Variants in PTPRD observed in about 807,000 individuals in gnomAD.
The protein encoded by PTPRD is protein tyrosine phosphatase receptor type D.
In PTPRD, 34 loss-of-function variants were observed where a neutral mutation model predicts 214.5. The ratio of observed to expected loss-of-function variants is 0.16; its 90% CI spans 0.12 to 0.21. The LOEUF (loss-of-function observed/expected upper bound fraction) is 0.21, where lower values mean the gene tolerates loss of function less well. Among genes scored for constraint, PTPRD ranks in the 10% least tolerant of loss-of-function variants. The pLI is 1.00. For missense variants in PTPRD, 2,545 were observed against 2,398.7 expected (o/e 1.06, Z -1.27); for synonymous variants, 1,128 against 845.7 (o/e 1.33, Z -5.79).
chr9:9,117,614 C>T (rs563984623), intron 10 of PTPRD, among the ~76,000 whole-genome samples: 1 of 152,182 alleles, frequency 6.6e-6, no homozygotes, highest in East Asian at 1.9e-4. Flanking sequence ...AAGAGCCATG[C>T]AGCAACCTCA....
intron 10 of PTPRD, among the ~76,000 whole-genome samples, chr9:9,038,815 CCA>C (rs1422674182): frequency 6.6e-6 from 1 of 152,036 alleles, no homozygotes; most frequent in East Asian, 1.9e-4. Context: ...CCTCGGACTC[CCA>C]CAGTGTTGGC....
At chr9:9,048,652 G>A (rs990686995) in intron 10 of PTPRD, among the ~76,000 whole-genome samples, 1 of 152,128 alleles carries the variant, frequency 6.6e-6, no homozygotes, top group Non-Finnish European at 1.5e-5. Flanking sequence ...GTTACCGGGG[G>A]CTAGGAAAGG....
intron 12 of PTPRD, among the ~76,000 whole-genome samples, chr9:8,643,978 G>T (rs550059267): frequency 6.6e-6 from 1 of 152,290 alleles, no homozygotes; most frequent in South Asian, 2.1e-4. Flanking sequence ...GTGGGAACTG[G>T]TGGTGCCTTT....
At chr9:8,961,065 T>C (rs185194401) in intron 11 of PTPRD, among the ~76,000 whole-genome samples, 5 of 152,164 alleles carry the variant, frequency 3.3e-5, no homozygotes, top group East Asian at 1.9e-4. Context: ...AAGTAGTTTA[T>C]AATATAATGA....
chr9:10,258,014 G>T (rs1452799115), intron 3 of PTPRD, among the ~76,000 whole-genome samples: 1 of 152,192 alleles, frequency 6.6e-6, no homozygotes, highest in African/African-American at 2.4e-5. Context: ...CAGGAAGCTT[G>T]TGGGGAGAAG....
intron 11 of PTPRD, among the ~76,000 whole-genome samples, chr9:8,963,850 G>A (rs897893710): frequency 4.6e-5 from 7 of 152,098 alleles, no homozygotes; most frequent in Admixed American, 2.6e-4. Flanking sequence ...CTGGGTTCAA[G>A]GAGTCCTCCT....
chr9:8,856,770 C>T (rs183496559), intron 11 of PTPRD, among the ~76,000 whole-genome samples: 8 of 152,292 alleles, frequency 5.3e-5, no homozygotes, highest in Admixed American at 5.2e-4. Context: ...AATCCTGGAA[C>T]ACCAAATTAA....
At chr9:10,354,813 G>C (rs1565493388) in intron 2 of PTPRD, among the ~76,000 whole-genome samples, 1 of 152,118 alleles carries the variant, frequency 6.6e-6, no homozygotes, top group South Asian at 2.1e-4. Context: ...TTCTAATGGA[G>C]AGAAGGAAAG....
At chr9:10,271,346 C>G (rs1252444596) in intron 3 of PTPRD, among the ~76,000 whole-genome samples, 1 of 149,656 alleles carries the variant, frequency 6.7e-6, no homozygotes, top group East Asian at 2.0e-4. Flanking sequence ...ATCAAATCTA[C>G]TGCTTATTTT....
chr9:10,592,705 C>T lies in PTPRD; in HGVS notation c.-600+19693G>A, dbSNP rs368754469. ...TGCACAAATCAGAGCTCTGTAAAAA[C>T]GCACCAATCAGCGCTTTGTAGCTAG... On this transcript the variant is annotated intron_variant, in intron 2 of 45. Coordinates refer to ENST00000381196, the MANE Select transcript of PTPRD (RefSeq NM_002839.4). 5.9e-5 allele frequency among the ~76,000 whole-genome samples: 9 copies of T among 151,876 alleles called. No individual in the cohort carries two copies. The East Asian group carries it at 7.8e-4, about 13-fold the overall frequency.
intron 8 of PTPRD, among the ~76,000 whole-genome samples, chr9:9,467,944 T>C (rs13286779): frequency 0.073 from 11,120 of 152,186 alleles, 473 homozygotes; most frequent in Non-Finnish European, 0.099. Flanking sequence ...TAAGACAGGT[T>C]AGCCTACACA....
At chr9:9,182,616 G>A (rs2099928850) in intron 10 of PTPRD, among the ~76,000 whole-genome samples, 1 of 151,906 alleles carries the variant, frequency 6.6e-6, no homozygotes, top group South Asian at 2.1e-4. Flanking sequence ...AAACTGCAAT[G>A]GGTGAGGAAA....
At chr9:10,120,905 A>G (rs2098769566) in intron 3 of PTPRD, among the ~76,000 whole-genome samples, 1 of 151,918 alleles carries the variant, frequency 6.6e-6, no homozygotes, top group Admixed American at 6.5e-5. Context: ...TTCAAAAAGA[A>G]AAGAAAAAAT....
intron 11 of PTPRD, among the ~76,000 whole-genome samples, chr9:8,772,162 C>T (rs180879988): frequency 1.3e-5 from 2 of 151,636 alleles, no homozygotes; most frequent in South Asian, 4.2e-4. Context: ...AACAACAACA[C>T]AGATTTTGAG....
chr9:8,931,622 T>A (rs1275878240), intron 11 of PTPRD, among the ~76,000 whole-genome samples: 2 of 152,210 alleles, frequency 1.3e-5, no homozygotes, highest in Non-Finnish European at 1.5e-5. Context: ...TTTGTTTGTA[T>A]CCTCTTTTAT....
At chr9:9,600,979 C>G (rs1394455629) in intron 7 of PTPRD, among the ~76,000 whole-genome samples, 2 of 151,844 alleles carry the variant, frequency 1.3e-5, no homozygotes, top group South Asian at 2.1e-4. Flanking sequence ...GGTAATGAGA[C>G]CTGGATATTT....
intron 43 of PTPRD, among the ~76,000 whole-genome samples, chr9:8,332,661 G>C (rs1190887661): frequency 1.3e-5 from 2 of 152,048 alleles, no homozygotes; most frequent in East Asian, 3.9e-4. Flanking sequence ...CTGATCTTCT[G>C]ATCCCTTGTG....
chr9:9,715,075 C>T (rs1239863854), intron 7 of PTPRD, among the ~76,000 whole-genome samples: 1 of 152,032 alleles, frequency 6.6e-6, no homozygotes, highest in Non-Finnish European at 1.5e-5. Context: ...ATTAGAAGAC[C>T]TGGGTTTATG....
intron 3 of PTPRD, among the ~76,000 whole-genome samples, chr9:10,196,469 C>A (rs1564459866): frequency 6.6e-6 from 1 of 152,096 alleles, no homozygotes; most frequent in Non-Finnish European, 1.5e-5. Context: ...CGTCGAAAGA[C>A]AAAATGTTAT....
Sources: allele counts gnomAD v4.1 joint callset (sites outside exome capture counted in the v4.1 genomes callset), GRCh38; gene constraint gnomAD v4.1.1; transcripts MANE v1.5; gene names NCBI Gene and HGNC (gene_info 2026-07-23, HGNC 2026-07-21).